The following MACROD2 variants were observed in gnomAD, a reference collection of about 807,000 sequenced individuals.
MACROD2 encodes ADP-ribose glycohydrolase MACROD2.
In MACROD2, 36 loss-of-function variants were observed where a neutral mutation model predicts 70.4. That is an observed-to-expected ratio of 0.51 (90% confidence interval 0.39 to 0.68). The LOEUF is 0.68. MACROD2 is among the 30% of genes least tolerant of loss of function. MACROD2 has a pLI of 0.00. For synonymous variants in MACROD2, 172 were observed against 178.8 expected (o/e 0.96, Z 0.30); for missense variants, 496 against 538.4 (o/e 0.92, Z 0.78).
chr20:14,365,091 A>G (rs2083259728), intron 3 of MACROD2, among the ~76,000 whole-genome samples: 1 of 152,168 alleles, frequency 6.6e-6, no homozygotes, highest in Non-Finnish European at 1.5e-5. Context: ...TTCAAGCCAC[A>G]TGGTCCTGAG....
chr20:14,661,834 G>A (rs1398448113), intron 4 of MACROD2, among the ~76,000 whole-genome samples: 1 of 152,002 alleles, frequency 6.6e-6, no homozygotes. Context: ...TCTTTTTGGT[G>A]TTGTAATAAT....
intron 6 of MACROD2, among the ~76,000 whole-genome samples, chr20:15,257,616 AAC>A (rs1455023824): frequency 3.9e-5 from 6 of 152,036 alleles, no homozygotes; most frequent in African/African-American, 1.4e-4. Context: ...TTAAGGTTGT[AAC>A]ACAATGCATG....
intron 13 of MACROD2, among the ~76,000 whole-genome samples, chr20:15,968,548 A>G (rs2066176791): frequency 6.6e-6 from 1 of 151,906 alleles, no homozygotes; most frequent in Admixed American, 6.6e-5. Flanking sequence ...ATGTACAAAA[A>G]TGTTGAAATA....
intron 5 of MACROD2, among the ~76,000 whole-genome samples, chr20:14,978,662 A>C (rs113215471): frequency 0.011 from 1,444 of 135,506 alleles, 37 homozygotes; most frequent in African/African-American, 0.037. Flanking sequence ...AGGAGGAGAC[A>C]ATGATCCCTG....
chr20:15,708,990 C>A (rs143122640), intron 8 of MACROD2, among the ~76,000 whole-genome samples: 5 of 152,238 alleles, frequency 3.3e-5, no homozygotes, highest in African/African-American at 1.2e-4. Flanking sequence ...TGCACTCCAA[C>A]CCGGGCAACA....
At chr20:15,239,330 C>A (rs2077040854) in intron 6 of MACROD2, among the ~76,000 whole-genome samples, 1 of 151,780 alleles carries the variant, frequency 6.6e-6, no homozygotes, top group Non-Finnish European at 1.5e-5. Context: ...GGAAAGAAAG[C>A]TTTCTTGACT....
At chr20:15,434,871 C>T (rs1346410780) in intron 7 of MACROD2, among the ~76,000 whole-genome samples, 1 of 152,004 alleles carries the variant, frequency 6.6e-6, no homozygotes, top group Non-Finnish European at 1.5e-5. Flanking sequence ...TCTTTTGCAG[C>T]AATGTGGATG....
chr20:15,938,659 C>T (rs1050142135), intron 12 of MACROD2, among the ~76,000 whole-genome samples: 1 of 152,032 alleles, frequency 6.6e-6, no homozygotes. Flanking sequence ...AATTAATAGA[C>T]CTACAATGGC....
chr20:15,984,663 ACTTT>A lies in MACROD2; in HGVS notation c.986-2059_986-2056del, dbSNP rs557142550. 5.3e-4 allele frequency among the ~76,000 whole-genome samples: 80 copies of A among 150,620 alleles called. 1 individual carries two copies. In the South Asian group the frequency reaches 0.016, roughly 31 times the overall value. ...CCCGCCCTTCTCTTTTTTAAAGCGA[ACTTT>A]CTTTATGTCTTTGGACTAGACTGTC... On this transcript the variant is annotated intron_variant, in intron 13 of 17. Transcript: ENST00000684519.
chr20:15,852,826 C>G (rs2064314900), intron 8 of MACROD2, among the ~76,000 whole-genome samples: 1 of 152,108 alleles, frequency 6.6e-6, no homozygotes, highest in Non-Finnish European at 1.5e-5. Flanking sequence ...GGCAACATAG[C>G]AAGACTCTGT....
chr20:15,612,937 G>A lies in MACROD2; in HGVS notation c.645+113090G>A, dbSNP rs147100849. Among the ~76,000 whole-genome samples, 443 of 152,286 alleles carry A rather than the reference G, an allele frequency of 2.9e-3. 3 individuals are homozygous for A. Among genetic ancestry groups the A allele is most frequent in the African/African-American group, 9.9e-3 (410 of 41,556 alleles). On this transcript the variant is annotated intron_variant, in intron 8 of 17. Coordinates refer to ENST00000684519, the MANE Select transcript of MACROD2 (RefSeq NM_001351661.2). ...CTGCCTGAAAAGCAGCCTCACAGTG[G>A]AAGGACAGCATGATCACACATTTCA...
At chr20:15,772,084 CAAA>C (rs753205618) in intron 8 of MACROD2, among the ~76,000 whole-genome samples, 7,270 of 70,104 alleles carry the variant, frequency 0.1, 369 homozygotes, top group Admixed American at 0.14. Context: ...GACTCGGTCT[CAAA>C]AAAAAAAAAA....
chr20:15,696,351 G>C (rs2050371464), intron 8 of MACROD2, among the ~76,000 whole-genome samples: 1 of 152,126 alleles, frequency 6.6e-6, no homozygotes. Flanking sequence ...CTCATTTATT[G>C]ACTTGCATAT....
chr20:15,933,337 A>C lies in MACROD2; in HGVS notation c.837A>C (p.Ala279=). ...AAATGGAAGAGCAGAGCCAAGATGCAGGTAGGCTCAGATTTCTTTTGAGAA... is the reference window on the plus strand; with the variant it reads ...AAATGGAAGAGCAGAGCCAAGATGCCGGTAGGCTCAGATTTCTTTTGAGAA... ...VEEMEEQSQD[A]DGVNTVTVPG... Residue 279 remains alanine (A), a splice_region_variant and synonymous_variant, in exon 11 of 18, where the codon GCA becomes GCC. Coordinates refer to ENST00000684519, the MANE Select transcript of MACROD2 (RefSeq NM_001351661.2). The C allele has an allele frequency of 6.2e-7, 1 of 1,612,944 alleles. No homozygotes were observed. Among genetic ancestry groups the C allele is most frequent in the Non-Finnish European group, 8.5e-7 (1 of 1,179,318 alleles).
Position 14,603,721 on chromosome 20 carries a change from C to G in MACROD2, c.302-81122C>G, listed in dbSNP as rs568249904. Among the ~76,000 whole-genome samples the G allele has an allele frequency of 5.3e-5, 8 of 152,240 alleles. No homozygotes were observed. The East Asian group carries it at 1.5e-3, about 29-fold the overall frequency. Reference sequence around the variant, plus strand: ...CACAGGCATTATTTCTTTTGATGCTCTAACAGGAGAGTTTTATTGTCATCA... The same window carrying G: ...CACAGGCATTATTTCTTTTGATGCTGTAACAGGAGAGTTTTATTGTCATCA... On this transcript the variant is annotated intron_variant, in intron 4 of 17. Transcript: ENST00000684519.
At chr20:15,640,170 G>C (rs1431659981) in intron 8 of MACROD2, among the ~76,000 whole-genome samples, 1 of 152,016 alleles carries the variant, frequency 6.6e-6, no homozygotes, top group Non-Finnish European at 1.5e-5. Context: ...GTGAGGAAGG[G>C]AGAGAGAAAA....
chr20:14,286,694 T>G (rs1466466019), intron 3 of MACROD2, among the ~76,000 whole-genome samples: 1 of 152,156 alleles, frequency 6.6e-6, no homozygotes, highest in East Asian at 1.9e-4. Flanking sequence ...TTAATTTGCT[T>G]TAACACATTA....
At chr20:14,678,067 A>G (rs1292058754) in intron 4 of MACROD2, among the ~76,000 whole-genome samples, 1 of 152,150 alleles carries the variant, frequency 6.6e-6, no homozygotes, top group Non-Finnish European at 1.5e-5. Flanking sequence ...ACAGTCTAGT[A>G]TGGGAAGTGG....
At chr20:15,751,439 T>A (rs571477156) in intron 8 of MACROD2, among the ~76,000 whole-genome samples, 8 of 152,236 alleles carry the variant, frequency 5.3e-5, no homozygotes, top group African/African-American at 1.9e-4. Flanking sequence ...CTGAACTAAC[T>A]CTTTCCCAAG....
Sources: gnomAD v4.1 joint callset for allele counts (sites outside exome capture counted in the v4.1 genomes callset) on GRCh38, gnomAD v4.1.1 for gene constraint, MANE v1.5 for transcripts, NCBI Gene and HGNC (gene_info 2026-07-23, HGNC 2026-07-21) for gene names.